SHQ1: variants seen among roughly 807,000 people sequenced by gnomAD.
SHQ1 encodes SHQ1, H/ACA ribonucleoprotein assembly factor.
Under a neutral mutation model 53.8 loss-of-function variants are expected in SHQ1, and 49 were observed. That is an observed-to-expected ratio of 0.91 (90% confidence interval 0.72 to 1.16). The LOEUF (loss-of-function observed/expected upper bound fraction) is 1.16, where lower values mean the gene tolerates loss of function less well. SHQ1 is among the 50% of genes most tolerant of loss of function. The probability of loss-of-function intolerance (pLI) is 0.00; values close to 1 mark genes in which losing one functional copy is unlikely to be tolerated. For missense variants in SHQ1, 738 were observed against 683.1 expected (o/e 1.08, Z -0.90); for synonymous variants, 243 against 251.0 (o/e 0.97, Z 0.30).
chr3:72,761,447 T>C (rs1054418998), intron 10 of SHQ1, among the ~76,000 whole-genome samples: 1 of 152,178 alleles, frequency 6.6e-6, no homozygotes, highest in Non-Finnish European at 1.5e-5. Flanking sequence ...GCTGAGATTA[T>C]AGGCATAAGC....
downstream of SHQ1, among the ~76,000 whole-genome samples, chr3:72,746,870 TGGCTTC>T (rs1361340590): frequency 1.3e-5 from 2 of 152,236 alleles, no homozygotes; most frequent in Non-Finnish European, 2.9e-5. Flanking sequence ...TTTTTCAAAC[TGGCTTC>T]AGATAATGTA....
chr3:72,836,266 G>T (rs1707990383), intron 4 of SHQ1, among the ~76,000 whole-genome samples: 1 of 152,216 alleles, frequency 6.6e-6, no homozygotes, highest in African/African-American at 2.4e-5. Flanking sequence ...AAGGCGGGCA[G>T]ATCACCAGGT....
chr3:72,757,152 A>T (rs1705513757), intron 10 of SHQ1, among the ~76,000 whole-genome samples: 1 of 152,196 alleles, frequency 6.6e-6, no homozygotes, highest in Non-Finnish European at 1.5e-5. Flanking sequence ...TCTCAGAGTA[A>T]CCGACTAGGT....
chr3:72,838,776 C>T (rs1356002896), intron 4 of SHQ1, among the ~76,000 whole-genome samples: 1 of 152,170 alleles, frequency 6.6e-6, no homozygotes, highest in Non-Finnish European at 1.5e-5. Flanking sequence ...CAGGTGTGAG[C>T]CACTGCACCC....
intron 10 of SHQ1, among the ~76,000 whole-genome samples, chr3:72,787,920 T>C (rs1420379938): frequency 6.6e-6 from 1 of 152,242 alleles, no homozygotes; most frequent in Non-Finnish European, 1.5e-5. Flanking sequence ...TTCGCCGTGC[T>C]GGCCGGGCTG....
intron 8 of SHQ1, among the ~76,000 whole-genome samples, chr3:72,813,062 A>G (rs778581211): frequency 2.0e-5 from 3 of 152,270 alleles, no homozygotes; most frequent in South Asian, 2.1e-4. Context: ...AAGATTACAA[A>G]TAAGAATCTA....
the SHQ1 span, among the ~76,000 whole-genome samples, chr3:72,739,313 T>G: frequency 7.3e-5 from 11 of 151,304 alleles, no homozygotes; most frequent in Admixed American, 7.2e-4. Flanking sequence ...CCCCTCCTCA[T>G]CTTCCTTCCC....
intron 1 of SHQ1, among the ~76,000 whole-genome samples, chr3:72,844,721 C>T (rs1286159201): frequency 6.6e-6 from 1 of 152,108 alleles, no homozygotes; most frequent in Non-Finnish European, 1.5e-5. Flanking sequence ...AGTTGAGTAT[C>T]CCTAATCTGA....
chr3:72,827,922 T>C (rs1025760878), intron 5 of SHQ1, among the ~76,000 whole-genome samples: 2 of 150,746 alleles, frequency 1.3e-5, no homozygotes, highest in African/African-American at 5.0e-5. Context: ...GCCCAGCTAA[T>C]TTTTTTGTAT....
At chr3:72,742,894 C>G in the SHQ1 span, among the ~76,000 whole-genome samples, 35,651 of 152,094 alleles carry the variant, frequency 0.23, 4,369 homozygotes, top group Non-Finnish European at 0.25. Flanking sequence ...CCTCGGCCTC[C>G]CAAAGTGCCG....
chr3:72,747,409 A>T (rs922828030), downstream of SHQ1, among the ~76,000 whole-genome samples: 6 of 152,188 alleles, frequency 3.9e-5, no homozygotes, highest in African/African-American at 1.4e-4. Context: ...CAATACACAA[A>T]ACCATGGCTT....
the SHQ1 span, among the ~76,000 whole-genome samples, chr3:72,731,632 G>A: frequency 6.6e-6 from 1 of 151,118 alleles, no homozygotes; most frequent in African/African-American, 2.4e-5. Context: ...AGGTTGTAGT[G>A]AGCCGAGATT....
the SHQ1 span, among the ~76,000 whole-genome samples, chr3:72,742,791 A>C: frequency 6.6e-6 from 1 of 151,568 alleles, no homozygotes; most frequent in African/African-American, 2.4e-5. Context: ...TGTCCGGCTA[A>C]TTTTTTTGTA....
At chr3:72,732,867 C>T in the SHQ1 span, among the ~76,000 whole-genome samples, 4 of 151,602 alleles carry the variant, frequency 2.6e-5, no homozygotes, top group African/African-American at 7.3e-5. Flanking sequence ...TGAGCCCAGC[C>T]CACAGAATTA....
intron 10 of SHQ1, among the ~76,000 whole-genome samples, chr3:72,751,500 G>GTACATATATATATATA (rs1411876975): frequency 2.5e-5 from 3 of 119,594 alleles, no homozygotes; most frequent in African/African-American, 1.2e-4. Flanking sequence ...GTGTGTGTGT[G>GTACATATATATATATA]TGTGTGTGTA....
At chr3:72,836,465 G>C (rs1020920218) in intron 4 of SHQ1, among the ~76,000 whole-genome samples, 1 of 151,994 alleles carries the variant, frequency 6.6e-6, no homozygotes, top group African/African-American at 2.4e-5. Context: ...CTCCAGCCTG[G>C]GCAACAAAGC....
intron 10 of SHQ1, among the ~76,000 whole-genome samples, chr3:72,780,244 G>A (rs935671847): frequency 1.3e-5 from 2 of 152,192 alleles, no homozygotes; most frequent in East Asian, 1.9e-4. Context: ...CTAGAATTGT[G>A]AAAGCTTGAC....
intron 6 of SHQ1, among the ~76,000 whole-genome samples, chr3:72,821,904 A>G (rs1279149398): frequency 2.6e-5 from 4 of 152,222 alleles, no homozygotes; most frequent in Non-Finnish European, 5.9e-5. Context: ...TTCAAATGAG[A>G]GAGAAATCTT....
At chr3:72,820,278 CTG>C (rs1240636426) in intron 6 of SHQ1, among the ~76,000 whole-genome samples, 5 of 152,190 alleles carry the variant, frequency 3.3e-5, no homozygotes, top group South Asian at 2.1e-4. Flanking sequence ...TTTTCAATAA[CTG>C]TGCACAGAAG....
Sources: allele counts gnomAD v4.1 joint callset (sites outside exome capture counted in the v4.1 genomes callset), GRCh38; gene constraint gnomAD v4.1.1; transcripts MANE v1.5; gene names NCBI Gene and HGNC (gene_info 2026-07-23, HGNC 2026-07-21).